The following C3orf70 variants were observed in gnomAD, a reference collection of about 807,000 sequenced individuals.
C3orf70 encodes chromosome 3 open reading frame 70.
A neutral mutation model predicts 20.7 loss-of-function variants in C3orf70; 15 were observed. The ratio of observed to expected loss-of-function variants is 0.72; its 90% CI spans 0.48 to 1.11. The LOEUF is 1.11. C3orf70 is among the 50% of genes most tolerant of loss of function. The pLI, the probability that C3orf70 is intolerant of heterozygous loss-of-function variation, is 0.00. For synonymous variants in C3orf70, 161 were observed against 125.7 expected, an observed-to-expected ratio of 1.28 and a Z score of -1.88; for missense variants, 332 against 317.6, an observed-to-expected ratio of 1.05 and a Z score of -0.34.
At chr3:185,140,273 C>A (rs567385035) in intron 1 of C3orf70, among the ~76,000 whole-genome samples, 1 of 152,248 alleles carries the variant, frequency 6.6e-6, no homozygotes, top group East Asian at 1.9e-4. Context: ...GTGGGGGAAG[C>A]CTCTGCTAAG....
chr3:185,110,178 TTAA>T (rs1716041012), intron 1 of C3orf70, among the ~76,000 whole-genome samples: 1 of 152,210 alleles, frequency 6.6e-6, no homozygotes, highest in African/African-American at 2.4e-5. Flanking sequence ...TTAATAGCTC[TTAA>T]TAAGATCAAA....
chr3:185,122,521 T>C (rs994772094), intron 1 of C3orf70, among the ~76,000 whole-genome samples: 7 of 152,212 alleles, frequency 4.6e-5, no homozygotes, highest in African/African-American at 1.7e-4. Context: ...GTGGAACTAT[T>C]ACCTTGTTAT....
chr3:185,099,532 T>C (rs911929324), intron 1 of C3orf70, among the ~76,000 whole-genome samples: 7 of 152,196 alleles, frequency 4.6e-5, no homozygotes, highest in African/African-American at 1.7e-4. Flanking sequence ...AGATAATTCA[T>C]TACCACCAGA....
At chr3:185,091,532 C>T (rs114598473) in intron 1 of C3orf70, among the ~76,000 whole-genome samples, 2,067 of 151,952 alleles carry the variant, frequency 0.014, 55 homozygotes, top group African/African-American at 0.047. Context: ...TAAGAGGCTG[C>T]TACAGATTTT....
chr3:185,110,546 G>GC (rs1561345408), intron 1 of C3orf70, among the ~76,000 whole-genome samples: 29 of 149,552 alleles, frequency 1.9e-4, no homozygotes, highest in African/African-American at 7.4e-4. Context: ...GTTAGGAGCA[G>GC]GCCCCCCCTC....
At chr3:185,092,512 T>C (rs948469839) in intron 1 of C3orf70, among the ~76,000 whole-genome samples, 1 of 152,216 alleles carries the variant, frequency 6.6e-6, no homozygotes, top group African/African-American at 2.4e-5. Context: ...GCCTCAATTA[T>C]ATGCCAGGCA....
intron 1 of C3orf70, among the ~76,000 whole-genome samples, chr3:185,103,061 A>ATGG (rs1193711329): frequency 6.6e-6 from 1 of 152,168 alleles, no homozygotes; most frequent in Non-Finnish European, 1.5e-5. Flanking sequence ...CCTGGCCAAC[A>ATGG]TGGTGAAACC....
In C3orf70 at chr3:185,152,137, A is replaced by G. The variant is rs564525801; in HGVS notation, c.196+491T>C. Reference sequence around the variant, plus strand: ...TCAATTTGGGTACAATCAAGGGGGAAACAATTGGATATCCAAGGGCTCCTT... The same window carrying G: ...TCAATTTGGGTACAATCAAGGGGGAGACAATTGGATATCCAAGGGCTCCTT... On this transcript the variant is annotated intron_variant, in intron 1 of 1. Transcript: ENST00000335012. Among the ~76,000 whole-genome samples, 9 of 152,282 alleles carry G rather than the reference A, an allele frequency of 5.9e-5. No individual in the cohort carries two copies. In the South Asian group the frequency reaches 8.3e-4, roughly 14 times the overall value.
At chr3:185,108,910 A>G (rs1716002543) in intron 1 of C3orf70, among the ~76,000 whole-genome samples, 1 of 152,184 alleles carries the variant, frequency 6.6e-6, no homozygotes, top group South Asian at 2.1e-4. Flanking sequence ...GCCTGTGTTA[A>G]ACGTCACCTT....
chr3:185,119,485 TA>T (rs1716247566), intron 1 of C3orf70, among the ~76,000 whole-genome samples: 1 of 151,876 alleles, frequency 6.6e-6, no homozygotes, highest in Non-Finnish European at 1.5e-5. Flanking sequence ...ACCCCGTCTC[TA>T]CTAAAAATAC....
At chr3:185,107,063 T>C (rs1405343673) in intron 1 of C3orf70, among the ~76,000 whole-genome samples, 1 of 152,126 alleles carries the variant, frequency 6.6e-6, no homozygotes, top group Admixed American at 6.5e-5. Flanking sequence ...TAAATCAAAT[T>C]ACTAATAAAC....
intron 1 of C3orf70, among the ~76,000 whole-genome samples, chr3:185,143,101 G>A (rs536483020): frequency 1.3e-5 from 2 of 152,150 alleles, no homozygotes; most frequent in African/African-American, 4.8e-5. Context: ...AATTATCTTA[G>A]GTGTGAGTAC....
At chr3:185,142,692 A>G (rs1716781317) in intron 1 of C3orf70, among the ~76,000 whole-genome samples, 1 of 152,202 alleles carries the variant, frequency 6.6e-6, no homozygotes, top group African/African-American at 2.4e-5. Flanking sequence ...TTAAAAACCA[A>G]AGGGAAAAAA....
At position 185,080,997 on chromosome 3, in the gene C3orf70, C is replaced by A. The variant is rs1715323901; in HGVS notation, c.*2010G>T. The A allele has an allele frequency of 6.6e-6, 1 of 152,100 alleles. No individual in the cohort carries two copies. The highest frequency in any genetic ancestry group is 2.4e-5 in the African/African-American group (1 of 41,404). 9.4% of individuals were successfully genotyped at this position (152,100 alleles called of 1,614,324 possible). A position where few individuals can be genotyped will look rare whatever the true frequency, so the allele number is the denominator to read the frequency against. On this transcript the variant is annotated 3_prime_UTR_variant, in exon 2 of 2. Coordinates refer to ENST00000335012, the MANE Select transcript of C3orf70 (RefSeq NM_001025266.3). ...TAAACCATATAGATGTCTTGGCCAT[C>A]TAAACCTAAAAAAAAGTTCTATCTA...
intron 1 of C3orf70, among the ~76,000 whole-genome samples, chr3:185,149,988 G>A (rs1484092887): frequency 6.6e-6 from 1 of 151,938 alleles, no homozygotes; most frequent in Non-Finnish European, 1.5e-5. Flanking sequence ...ATCAACCTGA[G>A]TTTTACCAGA....
chr3:185,130,596 G>C (rs1376554388), intron 1 of C3orf70, among the ~76,000 whole-genome samples: 7 of 152,100 alleles, frequency 4.6e-5, no homozygotes, highest in African/African-American at 1.7e-4. Flanking sequence ...GAAACCTCTT[G>C]GCCACAGCAG....
chr3:185,093,213 C>A (rs1715631288), intron 1 of C3orf70, among the ~76,000 whole-genome samples: 1 of 152,166 alleles, frequency 6.6e-6, no homozygotes, highest in Non-Finnish European at 1.5e-5. Flanking sequence ...CTGTACAGGG[C>A]AGGAGCCCTT....
intron 1 of C3orf70, among the ~76,000 whole-genome samples, chr3:185,110,927 C>G (rs1716057959): frequency 6.6e-6 from 1 of 152,174 alleles, no homozygotes; most frequent in African/African-American, 2.4e-5. Flanking sequence ...TGTTCGGGCT[C>G]TCAGCTCTGC....
chr3:185,123,808 A>T (rs537002366), intron 1 of C3orf70, among the ~76,000 whole-genome samples: 1 of 152,322 alleles, frequency 6.6e-6, no homozygotes, highest in African/African-American at 2.4e-5. Flanking sequence ...CATGTTTCTC[A>T]AATAAATCCC....
Sources: gnomAD v4.1 joint callset for allele counts (sites outside exome capture counted in the v4.1 genomes callset) on GRCh38, gnomAD v4.1.1 for gene constraint, MANE v1.5 for transcripts, NCBI Gene and HGNC (gene_info 2026-07-23, HGNC 2026-07-21) for gene names.